The following ACSS2 variants were observed in gnomAD, a reference collection of about 807,000 sequenced individuals.
The protein encoded by ACSS2 is acetyl-coenzyme A synthetase, cytoplasmic.
A neutral mutation model predicts 90.6 loss-of-function variants in ACSS2; 58 were observed. The ratio of observed to expected loss-of-function variants is 0.64; its 90% confidence interval spans 0.52 to 0.80. ACSS2 has a LOEUF of 0.80. Ranked by LOEUF, ACSS2 falls within the 30% of genes least tolerant of loss-of-function variation. The probability of loss-of-function intolerance (pLI) is 0.00; values close to 1 mark genes in which losing one functional copy is unlikely to be tolerated. For missense variants in ACSS2, 759 were observed against 912.0 expected (o/e 0.83, Z 2.16); for synonymous variants, 300 against 330.9 (o/e 0.91, Z 1.01).
chr20:34,890,597 C>G (rs2080310947), intron 2 of ACSS2, among the ~76,000 whole-genome samples: 1 of 152,040 alleles, frequency 6.6e-6, no homozygotes, highest in South Asian at 2.1e-4. Context: ...ACTAGCTACT[C>G]AGTCTCTACT....
intron 1 of ACSS2, among the ~76,000 whole-genome samples, chr20:34,880,236 G>C (rs916167247): frequency 1.3e-5 from 2 of 152,124 alleles, no homozygotes; most frequent in Non-Finnish European, 2.9e-5. Context: ...TGAGATAGCA[G>C]AGAAAAGGGT....
rs1568998875 is a variant in ACSS2, at chr20:34,921,411, G to C, written c.1359G>C (p.Val453=). Residue 453 remains valine (V), a synonymous_variant, in exon 11 of 18, where the codon GTG becomes GTC. Coordinates refer to ENST00000360596, the MANE Select transcript of ACSS2 (RefSeq NM_018677.4). ...NPEAWLWYHR[V]VGAQRCPIVD... ...AGGCCTGGCTATGGTACCACCGGGT[G>C]GTAGGTGCCCAGCGCTGCCCCATCG... 1 of 1,614,198 alleles carries C rather than the reference G, an allele frequency of 6.2e-7. No homozygotes were observed. The highest frequency in any genetic ancestry group is 8.5e-7 in the Non-Finnish European group (1 of 1,180,026).
intron 10 of ACSS2, 66 bp from the exon 11 acceptor site, chr20:34,921,264 A>G (rs2081189280): frequency 2.5e-6 from 4 of 1,608,146 alleles, no homozygotes; most frequent in South Asian, 1.1e-5. Context: ...GGCAAGAGAA[A>G]AGCCTGGGTA....
At chr20:34,891,223 ACACT>A (rs2080327483) in intron 2 of ACSS2, among the ~76,000 whole-genome samples, 1 of 152,210 alleles carries the variant, frequency 6.6e-6, no homozygotes, top group African/African-American at 2.4e-5. Context: ...GTAAAGAAAA[ACACT>A]CATTTTGAGA....
At chr20:34,878,901 TTTTTTTTTTTC>T (rs2079991304) in intron 1 of ACSS2, among the ~76,000 whole-genome samples, 1 of 147,214 alleles carries the variant, frequency 6.8e-6, no homozygotes, top group Non-Finnish European at 1.5e-5. Flanking sequence ...TTTTCTTTTT[TTTTTTTTTTTC>T]TTTTTTTTTT....
chr20:34,915,202 C>A, intron 7 of ACSS2: 1 of 1,613,920 alleles, frequency 6.2e-7, no homozygotes, highest in Non-Finnish European at 8.5e-7. Flanking sequence ...CCCTTTTCAT[C>A]CTGGGCTCTT....
chr20:34,907,331 C>T (rs561917610), intron 2 of ACSS2, among the ~76,000 whole-genome samples: 4 of 152,156 alleles, frequency 2.6e-5, no homozygotes, highest in East Asian at 1.9e-4. Context: ...TTGGCCAGGC[C>T]GGTCTCAAAC....
chr20:34,899,859 C>T (rs1025346919), intron 2 of ACSS2, among the ~76,000 whole-genome samples: 15 of 152,260 alleles, frequency 9.9e-5, no homozygotes, highest in Admixed American at 1.3e-4. Context: ...TCATGAATAA[C>T]GCTACTACAA....
Position 34,882,789 on chromosome 20 carries a change from T to C in ACSS2, c.179-5T>C. ...ATGATATCTGGGCTTCCATTTCTGT[T>C]GCAGAATTCTGGGGAGACATTGCCA... is the stretch of plus-strand genomic sequence containing the variant. On this transcript the variant is annotated splice_polypyrimidine_tract_variant and splice_region_variant and intron_variant, in intron 1 of 17. Coordinates refer to ENST00000360596, the MANE Select transcript of ACSS2 (RefSeq NM_018677.4). The C allele has an allele frequency of 6.2e-6, 10 of 1,610,614 alleles. No homozygotes were observed. The highest frequency in any genetic ancestry group is 8.5e-6 in the Non-Finnish European group (10 of 1,179,022).
At position 34,927,589 on chromosome 20, in the gene ACSS2, T is replaced by C. The variant is rs1175182954; in HGVS notation, c.*375T>C. ...TCTTAGGAAGCCCCAGTACTTATAT[T>C]GGGCATGCACTTGCCCTTAAAAACA... On this transcript the variant is annotated 3_prime_UTR_variant, in exon 18 of 18. Transcript: ENST00000360596. This position sits in a 1 kb window ranked among gnomAD's most constrained non-coding sequence, Gnocchi z 4.2. 1 of 227,526 alleles carries C rather than the reference T, an allele frequency of 4.4e-6. No individual in the cohort carries two copies. Among genetic ancestry groups the C allele is most frequent in the Non-Finnish European group, 8.8e-6 (1 of 113,828 alleles). The allele number at this position is 227,526 out of a possible 1,614,324, so 14.1% of individuals were successfully genotyped here.
chr20:34,924,018 G>A (rs2081261968), intron 14 of ACSS2, among the ~76,000 whole-genome samples: 1 of 152,178 alleles, frequency 6.6e-6, no homozygotes, highest in Non-Finnish European at 1.5e-5. Flanking sequence ...GGGCAGGAAT[G>A]AGTATAGCAG....
chr20:34,926,890 T>A lies in ACSS2; in HGVS notation c.1917T>A (p.Ile639=). Residue 639 remains isoleucine, a synonymous_variant, in exon 17 of 18, where the codon ATT becomes ATA. Coordinates refer to ENST00000360596, the MANE Select transcript of ACSS2 (RefSeq NM_018677.4). ...EELKKQIREK[I]GPIATPDYIQ... is the part of the protein sequence containing the mutation. ...TGTTGGTTACAGTTAGAGAAAAGAT[T>A]GGCCCCATTGCCACACCAGACTACA... 1.2e-6 allele frequency: 2 copies of A among 1,614,044 alleles called. No individual in the cohort carries two copies. The highest frequency in any genetic ancestry group is 1.7e-6 in the Non-Finnish European group (2 of 1,179,986).
rs1281291158 is a variant in ACSS2, at chr20:34,919,581, G to A, written c.972+9G>A. 1.5e-6 allele frequency: 1 copy of A among 645,934 alleles called. No individual in the cohort carries two copies. Among genetic ancestry groups the A allele is most frequent in the Non-Finnish European group, 2.0e-6 (1 of 492,348 alleles). 40.0% of individuals were successfully genotyped at this position (645,934 alleles called of 1,614,324 possible). On this transcript the variant is annotated intron_variant, in intron 8 of 17. Transcript: ENST00000360596. ...CCACAGGCAAACCCAAGGCAAGTGT[G>A]TGTGTGTGTGTGTGTGTGTGTGTGT...
intron 2 of ACSS2, among the ~76,000 whole-genome samples, chr20:34,890,050 T>G (rs1414438481): frequency 1.3e-5 from 2 of 152,142 alleles, no homozygotes; most frequent in African/African-American, 2.4e-5. Flanking sequence ...ACAATGACAT[T>G]TTAGAGTGAT....
intron 9 of ACSS2, 142 bp downstream of exon 9, chr20:34,920,851 C>G: frequency 6.9e-7 from 1 of 1,456,076 alleles, no homozygotes; most frequent in Non-Finnish European, 9.4e-7. Flanking sequence ...GAGGGGGTTG[C>G]GTATCCTGAC....
chr20:34,921,641 A>G (rs1600356846), intron 12 of ACSS2, 41 bp downstream of exon 12: 1 of 1,613,952 alleles, frequency 6.2e-7, no homozygotes, highest in South Asian at 1.1e-5. Context: ...CTAGGCAGGG[A>G]TGGTGTCTTG....
chr20:34,875,049 T>A, upstream of ACSS2: 2 of 534,636 alleles, frequency 3.7e-6, no homozygotes, highest in Non-Finnish European at 7.7e-6. Flanking sequence ...AGAATCACTC[T>A]TGGAGTTAGA....
At chr20:34,893,672 C>T (rs1441631664) in intron 2 of ACSS2, 3 of 151,832 alleles carry the variant, frequency 2.0e-5, no homozygotes, top group Non-Finnish European at 4.4e-5. Flanking sequence ...CAGACGTGAG[C>T]CGTTGTGCCT....
At chr20:34,917,967 G>GAA (rs2081110977) in intron 7 of ACSS2, among the ~76,000 whole-genome samples, 1 of 152,092 alleles carries the variant, frequency 6.6e-6, no homozygotes, top group African/African-American at 2.4e-5. Context: ...TGGCCAGGCT[G>GAA]GTCTTGAACT....
Sources: gnomAD v4.1 joint callset for allele counts (sites outside exome capture counted in the v4.1 genomes callset) on GRCh38, gnomAD v4.1.1 for gene constraint, Gnocchi (gnomAD v3.1) non-coding constraint, MANE v1.5 for transcripts, NCBI Gene and HGNC (gene_info 2026-07-23, HGNC 2026-07-21) for gene names.